NRXN3: variants seen among roughly 807,000 people sequenced by gnomAD.
NRXN3 encodes the protein neurexin 3.
In NRXN3, 32 loss-of-function variants were observed where a neutral mutation model predicts 137.6. The ratio of observed to expected loss-of-function variants is 0.23; its 90% confidence interval spans 0.18 to 0.31. The LOEUF (loss-of-function observed/expected upper bound fraction) is 0.31, where lower values mean the gene tolerates loss of function less well. Ranked by LOEUF, NRXN3 falls within the 10% of genes least tolerant of loss-of-function variation. The probability of loss-of-function intolerance (pLI) is 1.00; values close to 1 mark genes in which losing one functional copy is unlikely to be tolerated. For missense variants in NRXN3, 1,574 were observed against 2,062.5 expected (o/e 0.76, Z 4.59); for synonymous variants, 798 against 784.5 (o/e 1.02, Z -0.29).
intron 4 of NRXN3, among the ~76,000 whole-genome samples, chr14:78,541,529 G>A (rs1206518064): frequency 6.6e-6 from 1 of 152,108 alleles, no homozygotes; most frequent in African/African-American, 2.4e-5. Context: ...ATTTTTTCAA[G>A]GTTCTTAGCT....
At chr14:78,986,213 T>C (rs1013708121) in intron 14 of NRXN3, among the ~76,000 whole-genome samples, 3 of 152,194 alleles carry the variant, frequency 2.0e-5, no homozygotes, top group African/African-American at 7.2e-5. Context: ...AATGGTAATA[T>C]GTTTTACCCT....
At chr14:78,561,547 A>G (rs963763809) in intron 4 of NRXN3, among the ~76,000 whole-genome samples, 4 of 152,206 alleles carry the variant, frequency 2.6e-5, no homozygotes, top group Non-Finnish European at 5.9e-5. Context: ...TTTATGCCAT[A>G]GGGGACACAG....
intron 14 of NRXN3, among the ~76,000 whole-genome samples, chr14:78,984,840 T>C (rs754895608): frequency 6.6e-6 from 1 of 152,124 alleles, no homozygotes; most frequent in Non-Finnish European, 1.5e-5. Context: ...GCTAGGGACA[T>C]ATGGTAAGAA....
At chr14:79,083,845 A>G (rs903235908) in intron 15 of NRXN3, among the ~76,000 whole-genome samples, 14 of 152,218 alleles carry the variant, frequency 9.2e-5, no homozygotes, top group Non-Finnish European at 8.8e-5. Flanking sequence ...TATCTGAGCT[A>G]AGTTTTGTTG....
chr14:78,585,461 A>T (rs1479360590), intron 4 of NRXN3, among the ~76,000 whole-genome samples: 1 of 152,224 alleles, frequency 6.6e-6, no homozygotes, highest in Non-Finnish European at 1.5e-5. Context: ...GCTCTGATTT[A>T]TACTGTTAAA....
chr14:79,151,393 A>C (rs562507610), intron 15 of NRXN3, among the ~76,000 whole-genome samples: 86 of 152,198 alleles, frequency 5.7e-4, no homozygotes, highest in African/African-American at 1.8e-3. Flanking sequence ...TCCAGCTGCA[A>C]AAACCATAGC....
chr14:79,770,178 G>A (rs2139740649), intron 19 of NRXN3, among the ~76,000 whole-genome samples: 1 of 152,192 alleles, frequency 6.6e-6, no homozygotes, highest in Non-Finnish European at 1.5e-5. Context: ...AATAATGGGA[G>A]ATTTTAACAC....
intron 3 of NRXN3, among the ~76,000 whole-genome samples, chr14:78,283,612 A>G (rs1006669097): frequency 1.3e-5 from 2 of 151,744 alleles, no homozygotes; most frequent in Non-Finnish European, 2.9e-5. Flanking sequence ...GGGTTCAAGC[A>G]ATTCTTCTGC....
chr14:78,306,046 CA>C (rs1262538592), intron 4 of NRXN3, among the ~76,000 whole-genome samples: 7 of 151,896 alleles, frequency 4.6e-5, no homozygotes, highest in African/African-American at 1.7e-4. Context: ...GACTGGACAC[CA>C]AAGACATTTT....
intron 4 of NRXN3, among the ~76,000 whole-genome samples, chr14:78,514,305 G>C (rs923793762): frequency 6.6e-6 from 1 of 152,168 alleles, no homozygotes; most frequent in African/African-American, 2.4e-5. Context: ...GGGATGGAGA[G>C]GTTAGGGAAG....
At chr14:78,872,008 A>G (rs1212224325) in intron 10 of NRXN3, among the ~76,000 whole-genome samples, 1 of 151,974 alleles carries the variant, frequency 6.6e-6, no homozygotes, top group African/African-American at 2.4e-5. Context: ...AACAGAAAAG[A>G]CTTGATCTAA....
At chr14:79,160,926 G>A (rs1368666011) in intron 15 of NRXN3, among the ~76,000 whole-genome samples, 1 of 151,866 alleles carries the variant, frequency 6.6e-6, no homozygotes, top group Non-Finnish European at 1.5e-5. Flanking sequence ...TAACTAGCCT[G>A]TTTATACAAA....
At chr14:78,795,569 G>A (rs956202736) in intron 8 of NRXN3, among the ~76,000 whole-genome samples, 9 of 30,746 alleles carry the variant, frequency 2.9e-4, no homozygotes, top group African/African-American at 6.0e-4. Context: ...ATGACACAAT[G>A]ATTAAATAAA....
intron 4 of NRXN3, among the ~76,000 whole-genome samples, chr14:78,319,145 A>C (rs1567246873): frequency 6.6e-6 from 1 of 152,210 alleles, no homozygotes; most frequent in Non-Finnish European, 1.5e-5. Context: ...GATCCAAAGG[A>C]GGAGAACAGC....
intron 16 of NRXN3, among the ~76,000 whole-genome samples, chr14:79,623,750 C>T (rs1233985011): frequency 6.6e-6 from 1 of 152,072 alleles, no homozygotes; most frequent in Non-Finnish European, 1.5e-5. Flanking sequence ...TATCTTTTGA[C>T]TCCCTCAAAG....
intron 15 of NRXN3, among the ~76,000 whole-genome samples, chr14:79,400,605 A>G (rs1599743585): frequency 6.6e-6 from 1 of 152,200 alleles, no homozygotes; most frequent in Admixed American, 6.6e-5. Flanking sequence ...CACAGCCTAC[A>G]TAACCATTAG....
intron 15 of NRXN3, chr14:79,280,276 G>T (rs770287615): frequency 3.1e-6 from 5 of 1,613,644 alleles, no homozygotes; most frequent in Non-Finnish European, 4.2e-6. Context: ...ATCTGTAGTG[G>T]TCCCGTGCGT....
chr14:79,154,894 TTGAC>T (rs1323172645), intron 15 of NRXN3, among the ~76,000 whole-genome samples: 1 of 151,964 alleles, frequency 6.6e-6, no homozygotes, highest in Non-Finnish European at 1.5e-5. Context: ...TCTTCATCCT[TTGAC>T]TGATCAACTG....
At chr14:78,368,348 G>C (rs1416614952) in intron 4 of NRXN3, among the ~76,000 whole-genome samples, 1 of 152,156 alleles carries the variant, frequency 6.6e-6, no homozygotes, top group Non-Finnish European at 1.5e-5. Context: ...GGGTTGTCTG[G>C]GGTTAAACGT....
Sources: allele counts gnomAD v4.1 joint callset (sites outside exome capture counted in the v4.1 genomes callset), GRCh38; gene constraint gnomAD v4.1.1; transcripts MANE v1.5; gene names NCBI Gene and HGNC (gene_info 2026-07-23, HGNC 2026-07-21).